The following EPDR1 variants were observed in gnomAD, a reference collection of about 807,000 sequenced individuals.
EPDR1 encodes mammalian ependymin-related protein 1.
EPDR1 carries 27 observed loss-of-function variants against 23.7 expected under a neutral mutation model. The observed-to-expected ratio is 1.14, with a 90% confidence interval of 0.84 to 1.57. EPDR1 has a LOEUF of 1.57. Ranked by LOEUF, EPDR1 falls within the 40% of genes most tolerant of loss-of-function variation. The pLI, the probability that EPDR1 is intolerant of heterozygous loss-of-function variation, is 0.00. For synonymous variants in EPDR1, 137 were observed against 118.2 expected, an observed-to-expected ratio of 1.16 and a Z score of -1.03; for missense variants, 349 against 290.4, an observed-to-expected ratio of 1.20 and a Z score of -1.47.
chr7:37,945,083 A>G (rs1424205502), intron 1 of EPDR1, among the ~76,000 whole-genome samples: 2 of 152,222 alleles, frequency 1.3e-5, no homozygotes, highest in Non-Finnish European at 2.9e-5. Context: ...TTGTGTATGG[A>G]CAACAATTCC....
intron 1 of EPDR1, among the ~76,000 whole-genome samples, chr7:37,930,501 G>A (rs1785913975): frequency 6.6e-6 from 1 of 152,230 alleles, no homozygotes; most frequent in African/African-American, 2.4e-5. Flanking sequence ...ATCTTGGCAT[G>A]GATTGTGTTT....
intron 1 of EPDR1, among the ~76,000 whole-genome samples, chr7:37,943,408 T>C (rs1040751866): frequency 6.6e-6 from 1 of 152,208 alleles, no homozygotes; most frequent in African/African-American, 2.4e-5. Context: ...CAACCGTGGC[T>C]GATCTTTGCA....
At chr7:37,943,344 C>A (rs1287047088) in intron 1 of EPDR1, among the ~76,000 whole-genome samples, 1 of 152,188 alleles carries the variant, frequency 6.6e-6, no homozygotes, top group East Asian at 1.9e-4. Context: ...GTCTGTTAAT[C>A]CCTTGGGTCC....
intron 1 of EPDR1, among the ~76,000 whole-genome samples, chr7:37,940,131 A>C (rs1366089478): frequency 1.8e-4 from 27 of 152,216 alleles, no homozygotes; most frequent in Non-Finnish European, 2.9e-4. Context: ...GCATTAGTGG[A>C]GAATGGAGAA....
At chr7:37,949,170 C>A in intron 2 of EPDR1, 122 bp downstream of exon 2, 1 of 836,912 alleles carries the variant, frequency 1.2e-6, no homozygotes, top group Non-Finnish European at 1.9e-6. Flanking sequence ...TTTAAAGCCT[C>A]CACTTAGGTC....
chr7:37,923,299 G>T (rs1785747583), intron 1 of EPDR1, among the ~76,000 whole-genome samples: 1 of 152,164 alleles, frequency 6.6e-6, no homozygotes, highest in African/African-American at 2.4e-5. Flanking sequence ...TGGTGAACAG[G>T]GGGCAAGTGA....
Position 37,950,667 on chromosome 7 carries a change from T to C in EPDR1, c.*271T>C, listed in dbSNP as rs1583674446. On this transcript the variant is annotated 3_prime_UTR_variant, in exon 3 of 3. Coordinates refer to ENST00000199448, the MANE Select transcript of EPDR1 (RefSeq NM_017549.5). ...ATTTCTAATGCCTGTTCAGGGCTGGTTTTCTGCATGCACGGGTATACACAT... is the reference window on the plus strand; with the variant it reads ...ATTTCTAATGCCTGTTCAGGGCTGGCTTTCTGCATGCACGGGTATACACAT... The C allele has an allele frequency of 2.4e-6, 1 of 425,156 alleles. No homozygotes were observed. The highest frequency in any genetic ancestry group is 4.2e-6 in the Non-Finnish European group (1 of 236,576). 26.3% of individuals were successfully genotyped at this position (425,156 alleles called of 1,614,324 possible).
rs1394789049 is a variant in EPDR1, at chr7:37,920,762, G to C, written c.-178G>C. ...CCCGGGCCCTGGTCCCGGCTACCGG[G>C]ACTCGCGCGTCCGGATCTCAAAAGC... On this transcript the variant is annotated 5_prime_UTR_variant, in exon 1 of 3. Transcript: ENST00000199448. 13 of 1,609,734 alleles carry C rather than the reference G, an allele frequency of 8.1e-6. No individual in the cohort carries two copies. The highest frequency in any genetic ancestry group is 1.3e-5 in the African/African-American group (1 of 74,916).
chr7:37,926,679 C>A (rs751846956), intron 1 of EPDR1: 9 of 453,586 alleles, frequency 2.0e-5, no homozygotes, highest in Middle Eastern at 3.2e-4. Context: ...AAGTTACTTA[C>A]CTTTGGCAGG....
At chr7:37,944,475 G>A (rs530510442) in intron 1 of EPDR1, among the ~76,000 whole-genome samples, 2 of 152,302 alleles carry the variant, frequency 1.3e-5, no homozygotes, top group African/African-American at 2.4e-5. Context: ...GTATTAGTCT[G>A]TTCTCATGCT....
In EPDR1 at chr7:37,931,179, T is replaced by C. The variant is rs181005586; in HGVS notation, c.269+9971T>C. On this transcript the variant is annotated intron_variant, in intron 1 of 2. Coordinates refer to ENST00000199448, the MANE Select transcript of EPDR1 (RefSeq NM_017549.5). ...GTGTATACAATTTGGGTAAAAATAG[T>C]CTTTTTGCTTAAATATGTTTATGGC... Among the ~76,000 whole-genome samples, 10 of 152,268 alleles carry C rather than the reference T, an allele frequency of 6.6e-5. No individual in the cohort carries two copies. The East Asian group carries it at 1.9e-3, about 29-fold the overall frequency.
At chr7:37,921,313 C>A in intron 1 of EPDR1, 105 bp downstream of exon 1, 1 of 1,438,570 alleles carries the variant, frequency 7.0e-7, no homozygotes, top group Non-Finnish European at 9.0e-7. Context: ...CCCCTTGCAG[C>A]TCCTCCCTTC....
chr7:37,935,220 C>T (rs1786024842), intron 1 of EPDR1, among the ~76,000 whole-genome samples: 1 of 152,106 alleles, frequency 6.6e-6, no homozygotes, highest in Non-Finnish European at 1.5e-5. Context: ...TATTGAGAGA[C>T]AGACAAGGGA....
At chr7:37,931,741 C>T (rs1009355266) in intron 1 of EPDR1, among the ~76,000 whole-genome samples, 1 of 152,086 alleles carries the variant, frequency 6.6e-6, no homozygotes, top group African/African-American at 2.4e-5. Flanking sequence ...CATTGTCACC[C>T]AGGCTGGAGT....
chr7:37,943,311 C>T (rs1315522430), intron 1 of EPDR1, among the ~76,000 whole-genome samples: 1 of 152,218 alleles, frequency 6.6e-6, no homozygotes, highest in Non-Finnish European at 1.5e-5. Context: ...GATCTCGCCT[C>T]CAGGAATCCA....
intron 1 of EPDR1, among the ~76,000 whole-genome samples, chr7:37,936,059 C>G (rs1040599760): frequency 1.0e-5 from 1 of 95,726 alleles, no homozygotes; most frequent in Non-Finnish European, 2.2e-5. Flanking sequence ...AAATGTGAAT[C>G]TGTTAAAATT....
chr7:37,947,248 C>T (rs1786295647), intron 1 of EPDR1, among the ~76,000 whole-genome samples: 1 of 152,204 alleles, frequency 6.6e-6, no homozygotes, highest in Non-Finnish European at 1.5e-5. Flanking sequence ...CATTGTGTTA[C>T]AGTTGCCTCC....
chr7:37,928,663 A>G (rs1004157151), intron 1 of EPDR1, among the ~76,000 whole-genome samples: 9 of 152,138 alleles, frequency 5.9e-5, no homozygotes, highest in African/African-American at 2.2e-4. Context: ...GGCTTTCAAC[A>G]TGCTAGTCTT....
At chr7:37,936,044 A>ACAC (rs1554374649) in intron 1 of EPDR1, among the ~76,000 whole-genome samples, 10 of 127,618 alleles carry the variant, frequency 7.8e-5, no homozygotes, top group Non-Finnish European at 9.9e-5. Context: ...ATATATACAC[A>ACAC]AGGGAAATGT....
Sources: allele counts gnomAD v4.1 joint callset (sites outside exome capture counted in the v4.1 genomes callset), GRCh38; gene constraint gnomAD v4.1.1; transcripts MANE v1.5; gene names NCBI Gene and HGNC (gene_info 2026-07-23, HGNC 2026-07-21).